The following ART1 variants were observed in gnomAD, a reference collection of about 807,000 sequenced individuals.
ART1 encodes the protein ADP-ribosyltransferase 1, also known as GPI-linked NAD(P)(+)--arginine ADP-ribosyltransferase 1.
Under a neutral mutation model 27.0 loss-of-function variants are expected in ART1, and 29 were observed. The observed-to-expected ratio is 1.08, with a 90% CI of 0.80 to 1.47. ART1 has a LOEUF of 1.47. Among genes scored for constraint, ART1 ranks in the 40% most tolerant of loss-of-function variants. The pLI is 0.00. For missense variants in ART1, 480 were observed against 423.0 expected (o/e 1.13, Z -1.18); for synonymous variants, 201 against 172.2 (o/e 1.17, Z -1.31).
At chr11:3,655,182 G>T (rs1053972215) in intron 1 of ART1, among the ~76,000 whole-genome samples, 1 of 152,178 alleles carries the variant, frequency 6.6e-6, no homozygotes, top group Admixed American at 6.5e-5. Flanking sequence ...TGTTCATTCT[G>T]GGGGTCCAGA....
intron 4 of ART1, among the ~76,000 whole-genome samples, chr11:3,662,354 G>C (rs1362493073): frequency 6.6e-6 from 1 of 152,190 alleles, no homozygotes; most frequent in Admixed American, 6.5e-5. Flanking sequence ...GTGGGAATGG[G>C]CCATTTCCAG....
chr11:3,663,414 G>A (rs28562560), intron 4 of ART1, among the ~76,000 whole-genome samples: 10,964 of 152,164 alleles, frequency 0.072, 985 homozygotes, highest in African/African-American at 0.21. Context: ...GGTTTGGGTA[G>A]AGGAGCCAAG....
chr11:3,647,925 A>AAAG (rs869209624), intron 1 of ART1, among the ~76,000 whole-genome samples: 2 of 152,088 alleles, frequency 1.3e-5, no homozygotes, highest in Admixed American at 1.3e-4. Context: ...GAGGGCAATA[A>AAAG]AAGAAGATGG....
chr11:3,646,382 T>C (rs2077470050), intron 1 of ART1, among the ~76,000 whole-genome samples: 1 of 152,054 alleles, frequency 6.6e-6, no homozygotes, highest in African/African-American at 2.4e-5. Flanking sequence ...ACTATGTGAA[T>C]GTTTGACGAA....
rs112978101 is a variant in ART1 at position 3,649,040 on chromosome 11, G to A, written c.-53+3861G>A. Among the ~76,000 whole-genome samples, 262 of 150,412 alleles carry A rather than the reference G, an allele frequency of 1.7e-3. 2 individuals carry two copies. The highest frequency in any genetic ancestry group is 5.9e-3 in the African/African-American group (242 of 40,722). Reference sequence around the variant, plus strand: ...CCGTGCCCCGACCTCTTATCTCTGCGCCCAAACCCCTTATTTCCACGCCCT... The same window carrying A: ...CCGTGCCCCGACCTCTTATCTCTGCACCCAAACCCCTTATTTCCACGCCCT... On this transcript the variant is annotated intron_variant, in intron 1 of 4. Coordinates refer to ENST00000250693, the MANE Select transcript of ART1 (RefSeq NM_004314.3).
intron 1 of ART1, among the ~76,000 whole-genome samples, chr11:3,649,406 G>A (rs372928399): frequency 2.0e-4 from 30 of 152,164 alleles, no homozygotes; most frequent in Non-Finnish European, 2.5e-4. Context: ...GGTGCCTGAC[G>A]TCAAGGCATT....
intron 1 of ART1, among the ~76,000 whole-genome samples, chr11:3,649,532 A>G (rs1466391629): frequency 6.6e-6 from 1 of 151,732 alleles, no homozygotes; most frequent in African/African-American, 2.4e-5. Context: ...GAGTCTTTCT[A>G]ATCTTCCTTT....
intron 1 of ART1, among the ~76,000 whole-genome samples, chr11:3,653,437 AC>A (rs1240794509): frequency 6.8e-6 from 1 of 147,506 alleles, no homozygotes; most frequent in Non-Finnish European, 1.5e-5. Flanking sequence ...GCACCTTGTG[AC>A]CCCCACTCTG....
rs541972070 is a variant in ART1, at chr11:3,659,302, C to A, written c.63+26C>A. ...GTATGGGCATCCCCCACTGTTCCCA[C>A]CCCAGCAGGGAACTGAGCCATCGGC... On this transcript the variant is annotated intron_variant, in intron 2 of 4. Transcript: ENST00000250693. The A allele has an allele frequency of 3.1e-6, 5 of 1,613,918 alleles. No homozygotes were observed. The African/African-American group carries it at 4.0e-5, about 13-fold the overall frequency.
Position 3,651,230 on chromosome 11 carries a change from C to A in ART1, c.-53+6051C>A, listed in dbSNP as rs183554859. On this transcript the variant is annotated intron_variant, in intron 1 of 4. Coordinates refer to ENST00000250693, the MANE Select transcript of ART1 (RefSeq NM_004314.3). ...TATTCCTTTTCACCCTTCATCCCAG[C>A]CTCTCTTTGCTTTCACTTAGACTGA... 4.5e-4 allele frequency among the ~76,000 whole-genome samples: 63 copies of A among 141,540 alleles called. 1 individual carries two copies. The highest frequency in any genetic ancestry group is 1.7e-3 in the African/African-American group (61 of 36,490). The allele number at this position is 141,540 out of a possible 152,430, so 92.9% of individuals were successfully genotyped here.
chr11:3,657,319 A>G (rs1013972661), intron 1 of ART1, among the ~76,000 whole-genome samples: 1 of 152,236 alleles, frequency 6.6e-6, no homozygotes, highest in Non-Finnish European at 1.5e-5. Flanking sequence ...TCACGCCTGT[A>G]ATCCCAGCAC....
chr11:3,650,118 C>T (rs1397411762), intron 1 of ART1, among the ~76,000 whole-genome samples: 2 of 152,184 alleles, frequency 1.3e-5, no homozygotes, highest in African/African-American at 2.4e-5. Context: ...AGACAAACAC[C>T]AGCCACATCT....
Position 3,648,885 on chromosome 11 carries a change from G to A in ART1, c.-53+3706G>A, listed in dbSNP as rs1047770026. Among the ~76,000 whole-genome samples the A allele has an allele frequency of 7.2e-5, 11 of 151,726 alleles. No individual in the cohort carries two copies. In the South Asian group the frequency reaches 8.3e-4, roughly 11 times the overall value. On this transcript the variant is annotated intron_variant, in intron 1 of 4. Transcript: ENST00000250693. Reference sequence around the variant, plus strand: ...CAACCCCTTCTCCTTCACCCTTAGCGGCAAGTCCCGCTTTTCTAGGAGGAA... The same window carrying A: ...CAACCCCTTCTCCTTCACCCTTAGCAGCAAGTCCCGCTTTTCTAGGAGGAA...
intron 1 of ART1, among the ~76,000 whole-genome samples, chr11:3,652,524 T>G (rs1177273201): frequency 1.3e-5 from 2 of 152,162 alleles, no homozygotes; most frequent in Admixed American, 1.3e-4. Context: ...CTTCTACCAC[T>G]TTCCCTTCTC....
At chr11:3,652,210 G>C (rs922187550) in intron 1 of ART1, among the ~76,000 whole-genome samples, 2 of 150,872 alleles carry the variant, frequency 1.3e-5, no homozygotes, top group Non-Finnish European at 2.9e-5. Flanking sequence ...TCTTAGTCTA[G>C]GTAGACACTT....
chr11:3,664,370 T>G lies in ART1; in HGVS notation c.*181T>G. On this transcript the variant is annotated 3_prime_UTR_variant, in exon 5 of 5. Transcript: ENST00000250693. ...AGGAGACAATCTGGGGACTGAACCT[T>G]ACCCAGGGCTGTAGGAGTGAGACTC... 1.7e-6 allele frequency: 1 copy of G among 601,978 alleles called. No individual in the cohort carries two copies. The highest frequency in any genetic ancestry group is 1.9e-5 in the African/African-American group (1 of 53,734). 37.3% of individuals were successfully genotyped at this position (601,978 alleles called of 1,614,324 possible).
chr11:3,661,800 C>T (rs1589926096), intron 4 of ART1, among the ~76,000 whole-genome samples: 1 of 151,312 alleles, frequency 6.6e-6, no homozygotes. Context: ...GCCCGGCCCA[C>T]CTGAATCTTT....
intron 1 of ART1, among the ~76,000 whole-genome samples, chr11:3,650,252 C>T (rs564420983): frequency 6.6e-6 from 1 of 152,312 alleles, no homozygotes; most frequent in East Asian, 1.9e-4. Flanking sequence ...ATACCCACAG[C>T]CCAGGATTCC....
At chr11:3,646,353 C>A (rs528519342) in intron 1 of ART1, among the ~76,000 whole-genome samples, 1 of 152,170 alleles carries the variant, frequency 6.6e-6, no homozygotes, top group African/African-American at 2.4e-5. Flanking sequence ...ACCCCTATCT[C>A]ACCCAGCATT....
Sources: allele counts gnomAD v4.1 joint callset (sites outside exome capture counted in the v4.1 genomes callset), GRCh38; gene constraint gnomAD v4.1.1; transcripts MANE v1.5; gene names NCBI Gene and HGNC (gene_info 2026-07-23, HGNC 2026-07-21).